Variants in SIDT1 observed in about 807,000 individuals in gnomAD.
SIDT1 encodes SID1 transmembrane family member 1.
SIDT1 carries 101 observed loss-of-function variants against 107.5 expected under a neutral mutation model. That is an observed-to-expected ratio of 0.94 (90% CI 0.80 to 1.11). The LOEUF (loss-of-function observed/expected upper bound fraction) is 1.11. Ranked by LOEUF, SIDT1 falls within the 50% of genes least tolerant of loss-of-function variation. The probability of loss-of-function intolerance (pLI) is 0.00; values close to 1 mark genes in which losing one functional copy is unlikely to be tolerated. For missense variants in SIDT1, 1,076 were observed against 1,058.2 expected (o/e 1.02, Z -0.23); for synonymous variants, 395 against 398.2 (o/e 0.99, Z 0.10).
rs745922196 is a variant in SIDT1 at position 113,625,454 on chromosome 3, GT to G, written c.2308-642del. Among the ~76,000 whole-genome samples the G allele has an allele frequency of 3.9e-4, 60 of 152,014 alleles. 1 individual carries two copies. Among genetic ancestry groups the G allele is most frequent in the Non-Finnish European group, 8.1e-4 (55 of 67,992 alleles). Reference sequence around the variant, plus strand: ...ACACCCGGCCATAGCTCTATTTTTAGTTTTTTGAGGAACTTCCAAACTGTTC... The same window carrying G: ...ACACCCGGCCATAGCTCTATTTTTAGTTTTTGAGGAACTTCCAAACTGTTC... On this transcript the variant is annotated intron_variant, in intron 23 of 24. Transcript: ENST00000264852.
At chr3:113,554,116 T>C (rs1940581912) in intron 1 of SIDT1, among the ~76,000 whole-genome samples, 1 of 152,160 alleles carries the variant, frequency 6.6e-6, no homozygotes, top group Non-Finnish European at 1.5e-5. Context: ...TGATTAGCTC[T>C]TGGAGTGAGA....
intron 1 of SIDT1, among the ~76,000 whole-genome samples, chr3:113,560,036 T>C (rs1311178309): frequency 6.6e-6 from 1 of 152,160 alleles, no homozygotes; most frequent in Admixed American, 6.5e-5. Flanking sequence ...GAGCACAGGC[T>C]TGGGTTCTAG....
intron 1 of SIDT1, among the ~76,000 whole-genome samples, chr3:113,553,067 T>C (rs1348110081): frequency 2.0e-5 from 3 of 152,152 alleles, no homozygotes; most frequent in Non-Finnish European, 2.9e-5. Flanking sequence ...GCCATCTACC[T>C]TCAACCATTA....
chr3:113,534,585 T>C (rs1937884246), intron 1 of SIDT1, among the ~76,000 whole-genome samples: 1 of 152,196 alleles, frequency 6.6e-6, no homozygotes, highest in South Asian at 2.1e-4. Context: ...ATACCCAGCC[T>C]CTTTCTATCT....
intron 3 of SIDT1, among the ~76,000 whole-genome samples, chr3:113,568,380 G>A (rs1942115430): frequency 1.3e-5 from 2 of 152,100 alleles, no homozygotes; most frequent in African/African-American, 4.8e-5. Flanking sequence ...GGATCACGAG[G>A]TCAGGAGATC....
intron 1 of SIDT1, among the ~76,000 whole-genome samples, chr3:113,556,821 CTT>C (rs61672960): frequency 7.4e-5 from 8 of 107,636 alleles, no homozygotes; most frequent in South Asian, 3.0e-4. Flanking sequence ...GTTTCTTTTT[CTT>C]TTTTTTTTTT....
Position 113,585,213 on chromosome 3 carries a change from T to C in SIDT1, c.944T>C (p.Phe315Ser). 2 of 1,613,820 alleles carry C rather than the reference T, an allele frequency of 1.2e-6. No homozygotes were observed. The highest frequency in any genetic ancestry group is 1.7e-6 in the Non-Finnish European group (2 of 1,179,752). ...GTGAAATCCAGTCTTTTCAGTGTCT[T>C]CATCTTCCTGTCCTTCTACTTGGGA... ...VYVKSSLFSV[F>S]IFLSFYLGCL... Residue 315 changes from phenylalanine to serine, a missense_variant, in exon 9 of 25, where the codon TTC (phenylalanine) becomes TCC (serine). Phe to Ser is a radical substitution (Grantham distance 155). Coordinates refer to ENST00000264852, the MANE Select transcript of SIDT1 (RefSeq NM_017699.3).
Position 113,611,088 on chromosome 3 carries a change from G to T in SIDT1, c.1801G>T (p.Ala601Ser), listed in dbSNP as rs772935487. ...QTRHPDINAS[A>S]YSAYASFAVV... ...CCGCCACCCAGACATCAATGCCAGCGCCTACTCTGCCTATGCCTCCTTTGC... is the reference window on the plus strand; with the variant it reads ...CCGCCACCCAGACATCAATGCCAGCTCCTACTCTGCCTATGCCTCCTTTGC... Residue 601 changes from alanine (A) to serine (S), a missense_variant, in exon 18 of 25, where the codon GCC becomes TCC. Transcript: ENST00000264852. The T allele has an allele frequency of 6.2e-7, 1 of 1,614,040 alleles. No individual in the cohort carries two copies. The highest frequency in any genetic ancestry group is 8.5e-7 in the Non-Finnish European group (1 of 1,180,000).
intron 1 of SIDT1, among the ~76,000 whole-genome samples, chr3:113,565,828 G>T (rs1941850741): frequency 6.6e-6 from 1 of 152,094 alleles, no homozygotes; most frequent in South Asian, 2.1e-4. Context: ...ATAAAATGTG[G>T]TCATAACATT....
chr3:113,635,047 T>C, the SIDT1 span, among the ~76,000 whole-genome samples: 1 of 152,216 alleles, frequency 6.6e-6, no homozygotes, highest in South Asian at 2.1e-4. Context: ...AATTCAATGA[T>C]TGCACTTGGC....
chr3:113,597,224 C>A lies in SIDT1; in HGVS notation c.1045+4176C>A, dbSNP rs551679962. On this transcript the variant is annotated intron_variant, in intron 10 of 24. Coordinates refer to ENST00000264852, the MANE Select transcript of SIDT1 (RefSeq NM_017699.3). ...ATAAAAATAAAATTTTGGCTGGGCA[C>A]GATGGCTCACACCTGTAATCCCAAC... is the stretch of plus-strand genomic sequence containing the variant. Among the ~76,000 whole-genome samples the A allele has an allele frequency of 4.6e-5, 7 of 152,242 alleles. No individual in the cohort carries two copies. The East Asian group carries it at 9.7e-4, about 21-fold the overall frequency.
Position 113,623,379 on chromosome 3 carries a change from G to A in SIDT1, c.2091-48G>A, listed in dbSNP as rs373483958. 185 of 1,272,706 alleles carry A rather than the reference G, an allele frequency of 1.5e-4. No homozygotes were observed. In the African/African-American group the frequency reaches 2.2e-3, roughly 15 times the overall value. 78.8% of individuals were successfully genotyped at this position (1,272,706 alleles called of 1,614,324 possible). Reference sequence around the variant, plus strand: ...CTGGGGGATTGGAAAAGCCAATAGTGTTACAAATCCACCTTCACGGCTGCC... The same window carrying A: ...CTGGGGGATTGGAAAAGCCAATAGTATTACAAATCCACCTTCACGGCTGCC... On this transcript the variant is annotated intron_variant, in intron 21 of 24. Transcript: ENST00000264852.
intron 14 of SIDT1, among the ~76,000 whole-genome samples, chr3:113,605,903 C>G (rs914028396): frequency 2.9e-4 from 44 of 151,694 alleles, no homozygotes; most frequent in African/African-American, 1.0e-3. Context: ...ACTCGGGAGG[C>G]TGAAGTGGGA....
chr3:113,602,697 A>G (rs929402808), intron 11 of SIDT1: 1 of 215,738 alleles, frequency 4.6e-6, no homozygotes, highest in African/African-American at 2.3e-5. Flanking sequence ...ATATTTTAAC[A>G]TATGAAACAT....
chr3:113,558,743 C>T (rs1941138762), intron 1 of SIDT1, among the ~76,000 whole-genome samples: 1 of 152,156 alleles, frequency 6.6e-6, no homozygotes, highest in African/African-American at 2.4e-5. Context: ...GTTTCCAACC[C>T]AGGAGACTTG....
At chr3:113,624,590 A>G (rs1283165801) in intron 23 of SIDT1, among the ~76,000 whole-genome samples, 4 of 152,250 alleles carry the variant, frequency 2.6e-5, no homozygotes, top group Non-Finnish European at 5.9e-5. Flanking sequence ...TCCTTGAGGT[A>G]AAATATACAT....
chr3:113,626,369 T>C (rs1946851026), intron 24 of SIDT1, among the ~76,000 whole-genome samples, 154 bp downstream of exon 24: 1 of 152,210 alleles, frequency 6.6e-6, no homozygotes, highest in Non-Finnish European at 1.5e-5. Context: ...CTTATTTCTT[T>C]CATAAATTTT....
chr3:113,579,525 C>T (rs1943169022), intron 4 of SIDT1, among the ~76,000 whole-genome samples: 1 of 151,946 alleles, frequency 6.6e-6, no homozygotes, highest in Non-Finnish European at 1.5e-5. Flanking sequence ...GGGGTATTGC[C>T]ATCTGTTATA....
chr3:113,612,723 G>C (rs1945842911), intron 19 of SIDT1, among the ~76,000 whole-genome samples: 1 of 152,218 alleles, frequency 6.6e-6, no homozygotes, highest in South Asian at 2.1e-4. Context: ...ATGTTCTACA[G>C]AAATCAGCTT....
Sources: allele counts gnomAD v4.1 joint callset (sites outside exome capture counted in the v4.1 genomes callset), GRCh38; gene constraint gnomAD v4.1.1; transcripts MANE v1.5; gene names NCBI Gene and HGNC (gene_info 2026-07-23, HGNC 2026-07-21).